The following ARMC8 variants were observed in gnomAD, a reference collection of about 807,000 sequenced individuals.
ARMC8 encodes armadillo repeat-containing protein 8.
In ARMC8, 20 loss-of-function variants were observed where a neutral mutation model predicts 99.3. That is an observed-to-expected ratio of 0.20 (90% confidence interval 0.14 to 0.29). The LOEUF is 0.29. Ranked by LOEUF, ARMC8 falls within the 10% of genes least tolerant of loss-of-function variation. The probability of loss-of-function intolerance (pLI) is 1.00; values close to 1 mark genes in which losing one functional copy is unlikely to be tolerated. For synonymous variants in ARMC8, 263 were observed against 278.3 expected (o/e 0.95, Z 0.55); for missense variants, 569 against 809.5 (o/e 0.70, Z 3.60).
chr3:138,195,875 C>T (rs975895650), intron 1 of ARMC8, among the ~76,000 whole-genome samples: 2 of 146,632 alleles, frequency 1.4e-5, no homozygotes, highest in African/African-American at 5.0e-5. Flanking sequence ...AAAAAAAAAA[C>T]TGTTTTGACC....
chr3:138,261,616 T>G (rs1353902661), intron 12 of ARMC8: 1 of 152,204 alleles, frequency 6.6e-6, no homozygotes, highest in Non-Finnish European at 1.5e-5. Context: ...TTATTGTATA[T>G]ATGCCCATTT....
chr3:138,187,386 C>G lies in ARMC8; in HGVS notation c.-169C>G. Reference sequence around the variant, plus strand: ...CAGCCCCTGACGCCATTCCCTTTTGCCCTTCTTTCTGCGGGCCTTTCCGGT... The same window carrying G: ...CAGCCCCTGACGCCATTCCCTTTTGGCCTTCTTTCTGCGGGCCTTTCCGGT... On this transcript the variant is annotated 5_prime_UTR_variant, in exon 1 of 22. Coordinates refer to ENST00000469044, the MANE Select transcript of ARMC8 (RefSeq NM_001363941.2). 1 of 623,890 alleles carries G rather than the reference C, an allele frequency of 1.6e-6. No homozygotes were observed. The highest frequency in any genetic ancestry group is 2.8e-6 in the Non-Finnish European group (1 of 356,444). The allele number at this position is 623,890 out of a possible 1,614,324, so 38.6% of individuals were successfully genotyped here.
rs746661210 is a variant in ARMC8 at position 138,290,539 on chromosome 3, C to T, written c.1895-7C>T. On this transcript the variant is annotated splice_polypyrimidine_tract_variant and splice_region_variant and intron_variant, in intron 20 of 21. Transcript: ENST00000469044. ...ATGTTCCCAGTAACCTGGCTTTAATCGTTTAGGTTCACAAGAACGCCAGGA... is the reference window on the plus strand; with the variant it reads ...ATGTTCCCAGTAACCTGGCTTTAATTGTTTAGGTTCACAAGAACGCCAGGA... The T allele has an allele frequency of 5.7e-6, 9 of 1,590,646 alleles. 1 individual carries two copies. The East Asian group carries it at 6.8e-5, about 12-fold the overall frequency.
chr3:138,219,228 G>A (rs2045256197), intron 2 of ARMC8, among the ~76,000 whole-genome samples: 1 of 152,180 alleles, frequency 6.6e-6, no homozygotes, highest in Non-Finnish European at 1.5e-5. Context: ...CTTGGATAGT[G>A]TTGTTGTGTT....
At chr3:138,210,686 T>A (rs935014191) in intron 2 of ARMC8, among the ~76,000 whole-genome samples, 6 of 152,130 alleles carry the variant, frequency 3.9e-5, no homozygotes, top group African/African-American at 1.4e-4. Context: ...GGGAGGCCTC[T>A]TTCTTTTTCT....
intron 1 of ARMC8, among the ~76,000 whole-genome samples, chr3:138,201,310 G>A (rs1490361246): frequency 1.3e-5 from 2 of 150,894 alleles, no homozygotes; most frequent in East Asian, 1.9e-4. Flanking sequence ...GCATTGTTTT[G>A]TGTTCTCAAC....
intron 2 of ARMC8, among the ~76,000 whole-genome samples, chr3:138,212,434 C>T (rs112911338): frequency 0.065 from 9,901 of 151,606 alleles, 1,083 homozygotes; most frequent in African/African-American, 0.23. Flanking sequence ...CTCAGCCTCC[C>T]GAGTAGCAGG....
chr3:138,206,481 T>G (rs1180315775), intron 1 of ARMC8, among the ~76,000 whole-genome samples: 1 of 152,216 alleles, frequency 6.6e-6, no homozygotes, highest in Non-Finnish European at 1.5e-5. Context: ...TGGCAGATAC[T>G]TCTCATTTTA....
At chr3:138,199,029 A>G (rs1015552836) in intron 1 of ARMC8, among the ~76,000 whole-genome samples, 3 of 152,144 alleles carry the variant, frequency 2.0e-5, no homozygotes, top group African/African-American at 4.8e-5. Context: ...TAGGAATCTC[A>G]GTTTCCTTAG....
intron 2 of ARMC8, among the ~76,000 whole-genome samples, chr3:138,216,260 C>T (rs1174917811): frequency 6.6e-6 from 1 of 152,012 alleles, no homozygotes; most frequent in Non-Finnish European, 1.5e-5. Flanking sequence ...AAATTAAAGT[C>T]AATTCTGTTT....
intron 2 of ARMC8, among the ~76,000 whole-genome samples, chr3:138,218,085 G>A (rs921581631): frequency 6.6e-6 from 1 of 152,124 alleles, no homozygotes; most frequent in South Asian, 2.1e-4. Context: ...TAGTATGGGG[G>A]TATATAAGGG....
Position 138,285,699 on chromosome 3 carries a change from C to T in ARMC8, c.1821+1173C>T, listed in dbSNP as rs971993514. Among the ~76,000 whole-genome samples, 47 of 152,206 alleles carry T rather than the reference C, an allele frequency of 3.1e-4. 1 individual carries two copies. Among genetic ancestry groups the T allele is most frequent in the Non-Finnish European group, 4.4e-5 (3 of 68,036 alleles). ...GTGTGCCTACTGGGTGTCTTTACCA[C>T]AGCGTAAGTTCCATGAGGGCAGGGA... is the stretch of plus-strand genomic sequence containing the variant. On this transcript the variant is annotated intron_variant, in intron 19 of 21. Transcript: ENST00000469044.
chr3:138,197,367 G>C (rs2043798361), intron 1 of ARMC8, among the ~76,000 whole-genome samples: 1 of 152,200 alleles, frequency 6.6e-6, no homozygotes, highest in Non-Finnish European at 1.5e-5. Context: ...TTTTTTATCA[G>C]GAAGGCGCCT....
intron 19 of ARMC8, chr3:138,288,009 G>A (rs1275539518): frequency 1.2e-5 from 2 of 171,834 alleles, no homozygotes; most frequent in Non-Finnish European, 2.5e-5. Flanking sequence ...ATTGTATTTA[G>A]AAGAATAGGA....
chr3:138,284,398 T>C, intron 18 of ARMC8, 33 bp from the exon 19 acceptor site: 3 of 1,554,970 alleles, frequency 1.9e-6, no homozygotes, highest in East Asian at 4.5e-5. Context: ...ACTTCAGAGC[T>C]TTCCTGACTG....
chr3:138,262,683 T>A (rs186353365), intron 12 of ARMC8: 2 of 1,052,606 alleles, frequency 1.9e-6, no homozygotes, highest in Non-Finnish European at 2.5e-6. Flanking sequence ...GACATAGGAT[T>A]AAAAAAAAAA....
chr3:138,295,786 T>C, intron 21 of ARMC8, 73 bp from the exon 22 acceptor site: 1 of 1,544,672 alleles, frequency 6.5e-7, no homozygotes. Flanking sequence ...CCAGCTATCA[T>C]CATTGAACCA....
upstream of ARMC8, chr3:138,187,282 C>G (rs968651231): frequency 2.4e-6 from 1 of 418,910 alleles, no homozygotes; most frequent in Non-Finnish European, 4.3e-6. Context: ...CTTCTTTGCG[C>G]ATGCGGAAAC....
intron 2 of ARMC8, among the ~76,000 whole-genome samples, chr3:138,210,676 G>A (rs2044643067): frequency 6.6e-6 from 1 of 152,006 alleles, no homozygotes; most frequent in Admixed American, 6.6e-5. Context: ...GCGCCCATGA[G>A]GGAGGCCTCT....
Sources: gnomAD v4.1 joint callset for allele counts (sites outside exome capture counted in the v4.1 genomes callset) on GRCh38, gnomAD v4.1.1 for gene constraint, MANE v1.5 for transcripts, NCBI Gene and HGNC (gene_info 2026-07-23, HGNC 2026-07-21) for gene names.